Variants in TTC3 observed in about 807,000 individuals in gnomAD.
TTC3 encodes E3 ubiquitin-protein ligase TTC3.
Under a neutral mutation model 249.6 loss-of-function variants are expected in TTC3, and 180 were observed. That is an observed-to-expected ratio of 0.72 (90% CI 0.64 to 0.82). The LOEUF is 0.82. Ranked by LOEUF, TTC3 falls within the 40% of genes least tolerant of loss-of-function variation. TTC3 has a pLI of 0.00. For synonymous variants in TTC3, 717 were observed against 805.0 expected (o/e 0.89, Z 1.85); for missense variants, 2,061 against 2,398.4 (o/e 0.86, Z 2.94).
intron 11 of TTC3, among the ~76,000 whole-genome samples, chr21:37,116,791 A>AGT (rs1376008574): frequency 1.3e-5 from 2 of 152,172 alleles, no homozygotes; most frequent in African/African-American, 4.8e-5. Flanking sequence ...TGGGTGACAG[A>AGT]GTGAAACTCC....
intron 1 of TTC3, chr21:37,082,878 G>A (rs1022651049): frequency 1.3e-5 from 13 of 975,704 alleles, no homozygotes; most frequent in African/African-American, 1.8e-5. Context: ...ATGGTACCAA[G>A]CAAGCTTTCT....
At chr21:37,156,512 G>A (rs2080102896) in intron 27 of TTC3, 143 bp from the exon 28 acceptor site, 6 of 977,872 alleles carry the variant, frequency 6.1e-6, no homozygotes, top group South Asian at 1.8e-5. Context: ...TAGCTTGAAC[G>A]AATCTGTTCT....
At position 37,188,628 on chromosome 21, in the gene TTC3, C is replaced by T. The variant is rs777644064; in HGVS notation, c.5024+33C>T. 3.3e-6 allele frequency: 5 copies of T among 1,537,144 alleles called. No homozygotes were observed. In the African/African-American group the frequency reaches 6.8e-5, roughly 21 times the overall value. ...AGTTTCGTGGGTGTTCTCAGCACGT[C>T]ATTTAGAAGATAAAGCTAGGACCAT... is the stretch of plus-strand genomic sequence containing the variant. On this transcript the variant is annotated intron_variant, in intron 39 of 45. Transcript: ENST00000355666.
At chr21:37,083,440 A>T (rs2071981450) in intron 1 of TTC3, 1 of 978,542 alleles carries the variant, frequency 1.0e-6, no homozygotes, top group Non-Finnish European at 1.2e-6. Flanking sequence ...ACCAGTTAGG[A>T]GACTGCTTGT....
At chr21:37,192,762 A>G (rs1430854816) in intron 41 of TTC3, among the ~76,000 whole-genome samples, 2 of 152,118 alleles carry the variant, frequency 1.3e-5, no homozygotes, top group Non-Finnish European at 2.9e-5. Context: ...ATATTTTACT[A>G]TTTGTTTGAG....
At chr21:37,139,453 C>T (rs550696534) in intron 19 of TTC3, among the ~76,000 whole-genome samples, 3 of 152,234 alleles carry the variant, frequency 2.0e-5, no homozygotes, top group South Asian at 4.1e-4. Context: ...TGTTGAAATG[C>T]TCTAGAATTA....
rs769372243 is a variant in TTC3, at chr21:37,147,593, C to T, written c.2006C>T (p.Pro669Leu). 15 of 1,602,060 alleles carry T rather than the reference C, an allele frequency of 9.4e-6. No individual in the cohort carries two copies. In the Admixed American group the frequency reaches 1.7e-4, roughly 19 times the overall value. Residue 669 changes from proline (P) to leucine (L), a missense_variant, in exon 22 of 46, where the codon CCA becomes CTA. By Grantham distance (98) the Pro-to-Leu change is moderately conservative. Transcript: ENST00000355666. ...AAGATCCAGATATACATAACTGATC[C>T]AGACTTTAAGGTAAATAATGAGTGT...
At chr21:37,103,075 G>T (rs991179156) in intron 10 of TTC3, among the ~76,000 whole-genome samples, 4 of 152,142 alleles carry the variant, frequency 2.6e-5, no homozygotes, top group Non-Finnish European at 5.9e-5. Context: ...CTCACCATTA[G>T]ATAAATTATT....
intron 25 of TTC3, 34 bp from the exon 26 acceptor site, chr21:37,151,859 C>A: frequency 6.5e-7 from 1 of 1,536,314 alleles, no homozygotes; most frequent in South Asian, 1.3e-5. Flanking sequence ...GAAAACAGTT[C>A]ATTGAGTTGT....
intron 45 of TTC3, 111 bp downstream of exon 45, chr21:37,200,435 A>G: frequency 2.5e-6 from 3 of 1,206,322 alleles, no homozygotes; most frequent in Non-Finnish European, 3.5e-6. Context: ...CTTTCAAACT[A>G]TTTTCTTTGC....
intron 1 of TTC3, among the ~76,000 whole-genome samples, chr21:37,074,604 T>C (rs2070562041): frequency 6.6e-6 from 1 of 152,172 alleles, no homozygotes; most frequent in Non-Finnish European, 1.5e-5. Flanking sequence ...TTTACAGATT[T>C]TACTCCTCCG....
chr21:37,201,463 G>A (rs1201527869), exon 46 of TTC3: 1 of 1,613,818 alleles, frequency 6.2e-7, no homozygotes, highest in African/African-American at 1.3e-5. Context: ...GGCTTAAAGG[G>A]CAGAGCGCTT....
chr21:37,103,725 T>G (rs374997873), intron 10 of TTC3, among the ~76,000 whole-genome samples: 1 of 152,308 alleles, frequency 6.6e-6, no homozygotes, highest in East Asian at 1.9e-4. Context: ...AAACAGCCTC[T>G]GTGTTTCAGA....
At chr21:37,153,004 T>C (rs778790915) in exon 27 of TTC3, 3 of 1,611,756 alleles carry the variant, frequency 1.9e-6, no homozygotes, top group Non-Finnish European at 2.5e-6. Flanking sequence ...AATTCTACAG[T>C]GTATAAAGCA....
chr21:37,090,634 T>G lies in TTC3; in HGVS notation c.480+348T>G, dbSNP rs1032725920. Reference sequence around the variant, plus strand: ...TATAATTACTAGGTAATCTCCAGATTCAATGTTAAACCAATTTTTAATGAT... The same window carrying G: ...TATAATTACTAGGTAATCTCCAGATGCAATGTTAAACCAATTTTTAATGAT... On this transcript the variant is annotated intron_variant, in intron 6 of 45. Transcript: ENST00000355666. 3.9e-5 allele frequency: 29 copies of G among 738,108 alleles called. No individual in the cohort carries two copies. The African/African-American group carries it at 5.3e-4, about 14-fold the overall frequency. 45.7% of individuals were successfully genotyped at this position (738,108 alleles called of 1,614,324 possible). A position where few individuals can be genotyped will look rare whatever the true frequency, so the allele number is the denominator to read the frequency against.
At position 37,185,690 on chromosome 21, in the gene TTC3, G is replaced by A; in HGVS notation, c.4758-16G>A. 1 of 1,502,258 alleles carries A rather than the reference G, an allele frequency of 6.7e-7. No homozygotes were observed. Among genetic ancestry groups the A allele is most frequent in the South Asian group, 1.4e-5 (1 of 71,410 alleles). 93.1% of individuals were successfully genotyped at this position (1,502,258 alleles called of 1,614,324 possible). ...TTTTCAAAATTAATTAATATTTGGT[G>A]ATTATGCTTTTATAGGTATACCCAG... On this transcript the variant is annotated splice_polypyrimidine_tract_variant and intron_variant, in intron 36 of 45. Coordinates refer to ENST00000355666, the Ensembl canonical transcript of TTC3.
At position 37,090,470 on chromosome 21, in the gene TTC3, T is replaced by C. The variant is rs115483547; in HGVS notation, c.480+184T>C. 4,063 of 527,910 alleles carry C rather than the reference T, an allele frequency of 7.7e-3. 119 individuals carry two copies. In the African/African-American group the frequency reaches 0.089, roughly 12 times the overall value. 32.7% of individuals were successfully genotyped at this position (527,910 alleles called of 1,614,324 possible). ...GGGGGTTTGGATCATTTTCTCTCTT[T>C]TTTTTTTTTTTACCCATGTACATAG... is the stretch of plus-strand genomic sequence containing the variant. On this transcript the variant is annotated intron_variant, in intron 6 of 45. Coordinates refer to ENST00000355666, the Ensembl canonical transcript of TTC3.
chr21:37,122,921 T>C (rs2076740219), intron 12 of TTC3, 62 bp from the exon 13 acceptor site: 1 of 1,570,028 alleles, frequency 6.4e-7, no homozygotes, highest in Non-Finnish European at 8.7e-7. Flanking sequence ...TTGAAATCTT[T>C]TAAAGTCTGT....
At chr21:37,087,462 G>A in intron 2 of TTC3, 61 bp downstream of exon 2, 5 of 1,583,302 alleles carry the variant, frequency 3.2e-6, no homozygotes, top group Non-Finnish European at 3.4e-6. Context: ...TCTGGTTTAG[G>A]GCTATCTGAG....
Sources: allele counts gnomAD v4.1 joint callset (sites outside exome capture counted in the v4.1 genomes callset), GRCh38; gene constraint gnomAD v4.1.1; transcripts MANE v1.5; gene names NCBI Gene and HGNC (gene_info 2026-07-23, HGNC 2026-07-21).